The following SLC7A11 variants were observed in gnomAD, a reference collection of about 807,000 sequenced individuals.
SLC7A11 encodes solute carrier family 7 member 11, also known as cystine/glutamate transporter.
A neutral mutation model predicts 54.5 loss-of-function variants in SLC7A11; 35 were observed. The observed-to-expected ratio is 0.64, with a 90% CI of 0.49 to 0.85. The LOEUF is 0.85. Ranked by LOEUF, SLC7A11 falls within the 40% of genes least tolerant of loss-of-function variation. SLC7A11 has a pLI of 0.00. For missense variants in SLC7A11, 583 were observed against 618.1 expected, an observed-to-expected ratio of 0.94 and a Z score of 0.60; for synonymous variants, 230 against 225.2, an observed-to-expected ratio of 1.02 and a Z score of -0.19.
At chr4:138,204,636 T>C (rs1560728539) in intron 6 of SLC7A11, among the ~76,000 whole-genome samples, 2 of 151,838 alleles carry the variant, frequency 1.3e-5, no homozygotes, top group Non-Finnish European at 1.5e-5. Context: ...GTGACTTCAG[T>C]AGAAACGCAA....
chr4:138,182,524 G>A (rs1275190778), intron 8 of SLC7A11, 131 bp from the exon 9 acceptor site: 1 of 606,120 alleles, frequency 1.6e-6, no homozygotes, highest in African/African-American at 1.9e-5. Context: ...GATTGCCTAA[G>A]TTCACTTTTC....
At chr4:138,206,403 C>A (rs1737407609) in intron 6 of SLC7A11, among the ~76,000 whole-genome samples, 2 of 133,750 alleles carry the variant, frequency 1.5e-5, no homozygotes, top group Admixed American at 7.3e-5. Context: ...ATATATATAG[C>A]CTCAAAAGAT....
chr4:138,208,485 T>C (rs1003785131), intron 6 of SLC7A11, among the ~76,000 whole-genome samples: 1 of 152,078 alleles, frequency 6.6e-6, no homozygotes. Flanking sequence ...TGATATGTTC[T>C]TTGCACTGTG....
At chr4:138,205,781 G>A (rs1031609535) in intron 6 of SLC7A11, among the ~76,000 whole-genome samples, 56 of 151,952 alleles carry the variant, frequency 3.7e-4, no homozygotes, top group African/African-American at 1.2e-3. Flanking sequence ...ATGTAAGTGT[G>A]GACTGAAAAG....
intron 3 of SLC7A11, among the ~76,000 whole-genome samples, chr4:138,228,882 T>C (rs988436322): frequency 1.3e-5 from 2 of 152,068 alleles, no homozygotes; most frequent in African/African-American, 4.8e-5. Context: ...ACATGTTTAC[T>C]GGAATGGATG....
intron 3 of SLC7A11, among the ~76,000 whole-genome samples, chr4:138,226,219 C>A (rs1415988939): frequency 6.6e-6 from 1 of 151,954 alleles, no homozygotes; most frequent in African/African-American, 2.4e-5. Flanking sequence ...ATTAGTATAG[C>A]CACTATAGAA....
rs553524424 is a variant in SLC7A11 at position 138,198,144 on chromosome 4, A to G, written c.792-12900T>C. ...GAGTGGGCTGTAAAAAAGAAACCAG[A>G]AAAAACAAACAAACAGAAAATATGG... is the stretch of plus-strand genomic sequence containing the variant. On this transcript the variant is annotated intron_variant, in intron 6 of 11. Transcript: ENST00000280612. Among the ~76,000 whole-genome samples, 305 of 150,924 alleles carry G rather than the reference A, an allele frequency of 2.0e-3. 1 individual carries two copies. The highest frequency in any genetic ancestry group is 1.7e-3 in the Non-Finnish European group (112 of 67,498).
At chr4:138,240,340 G>A (rs1738345887) in intron 1 of SLC7A11, among the ~76,000 whole-genome samples, 3 of 152,032 alleles carry the variant, frequency 2.0e-5, no homozygotes, top group African/African-American at 7.3e-5. Context: ...ACTGAGGTGG[G>A]TGGATCACGA....
Position 138,185,258 on chromosome 4 carries a change from A to G in SLC7A11, c.792-14T>C. ...AGGGGAATGGTTCTGAAATGCACAA[A>G]GGAATCACTTATTCATTATCTTTTG... On this transcript the variant is annotated splice_polypyrimidine_tract_variant and intron_variant, in intron 6 of 11. Coordinates refer to ENST00000280612, the MANE Select transcript of SLC7A11 (RefSeq NM_014331.4). The G allele has an allele frequency of 6.2e-7, 1 of 1,611,646 alleles. No homozygotes were observed. Among genetic ancestry groups the G allele is most frequent in the Non-Finnish European group, 8.5e-7 (1 of 1,178,188 alleles).
chr4:138,199,524 C>T (rs1737224141), intron 6 of SLC7A11, among the ~76,000 whole-genome samples: 1 of 152,018 alleles, frequency 6.6e-6, no homozygotes, highest in South Asian at 2.1e-4. Context: ...AATATGTGTC[C>T]ATTATGAGAA....
chr4:138,222,334 C>T (rs907653967), intron 4 of SLC7A11, among the ~76,000 whole-genome samples: 2 of 152,248 alleles, frequency 1.3e-5, no homozygotes, highest in African/African-American at 2.4e-5. Context: ...TCTGCAACGT[C>T]ATTAAATTTC....
intron 8 of SLC7A11, 67 bp downstream of exon 8, chr4:138,183,135 A>C (rs1736787125): frequency 8.9e-7 from 1 of 1,119,664 alleles, no homozygotes. Context: ...TTCTTTTTAA[A>C]GTTATCCTTA....
intron 1 of SLC7A11, among the ~76,000 whole-genome samples, chr4:138,237,726 T>C (rs1374858886): frequency 9.3e-5 from 1 of 10,794 alleles, no homozygotes; most frequent in Non-Finnish European, 1.7e-4. Flanking sequence ...TATATATATA[T>C]ATATATATAT....
chr4:138,196,550 A>G (rs1469696558), intron 6 of SLC7A11, among the ~76,000 whole-genome samples: 1 of 152,200 alleles, frequency 6.6e-6, no homozygotes, highest in African/African-American at 2.4e-5. Flanking sequence ...CATATTTAGA[A>G]TATACCAAGT....
At chr4:138,180,939 C>T (rs1736726828) in intron 9 of SLC7A11, 149 bp from the exon 10 acceptor site, 1 of 745,344 alleles carries the variant, frequency 1.3e-6, no homozygotes, top group Non-Finnish European at 2.1e-6. Context: ...TTTGACTAAT[C>T]TCTTTTCTAT....
In SLC7A11 at chr4:138,223,261, G is replaced by A. The variant is rs2148446050; in HGVS notation, c.584C>T (p.Thr195Ile). 1 of 1,613,624 alleles carries A rather than the reference G, an allele frequency of 6.2e-7. No homozygotes were observed. The highest frequency in any genetic ancestry group is 8.5e-7 in the Non-Finnish European group (1 of 1,179,548). Residue 195 changes from threonine (T) to isoleucine (I), a missense_variant, in exon 4 of 12, where the codon ACC becomes ATC. Physicochemically the swap from Thr to Ile is moderately conservative, Grantham distance 89. Transcript: ENST00000280612. ...CAGAATTGCTGTGAGCTTGCAAAAG[G>A]TTAAGAAAATCTGGATCCGGGCGCT... is the stretch of plus-strand genomic sequence containing the variant. The part of the protein sequence containing the change: ...SWSARIQIFL[T>I]FCKLTAILII...
intron 3 of SLC7A11, among the ~76,000 whole-genome samples, chr4:138,225,504 A>C (rs1737926665): frequency 6.6e-6 from 1 of 152,010 alleles, no homozygotes; most frequent in African/African-American, 2.4e-5. Context: ...TGTCAATGAC[A>C]AAGTGCATTA....
At chr4:138,173,927 A>G (rs531736489) in intron 11 of SLC7A11, among the ~76,000 whole-genome samples, 10 of 152,308 alleles carry the variant, frequency 6.6e-5, no homozygotes, top group Admixed American at 1.3e-4. Context: ...AAAAGGAAAT[A>G]TTAATAAATA....
intron 3 of SLC7A11, among the ~76,000 whole-genome samples, chr4:138,228,487 G>A (rs1004508505): frequency 1.3e-5 from 2 of 152,000 alleles, no homozygotes; most frequent in Non-Finnish European, 2.9e-5. Flanking sequence ...GGTCGGGCGC[G>A]ATGGCTCATG....
Sources: gnomAD v4.1 joint callset for allele counts (sites outside exome capture counted in the v4.1 genomes callset) on GRCh38, gnomAD v4.1.1 for gene constraint, MANE v1.5 for transcripts, NCBI Gene and HGNC (gene_info 2026-07-23, HGNC 2026-07-21) for gene names.